The following ZNF385B variants were observed in gnomAD, a reference collection of about 807,000 sequenced individuals.
The protein encoded by ZNF385B is zinc finger protein 385B.
Under a neutral mutation model 39.2 loss-of-function variants are expected in ZNF385B, and 23 were observed. The observed-to-expected ratio is 0.59, with a 90% CI of 0.42 to 0.83. The LOEUF is 0.83. Ranked by LOEUF, ZNF385B falls within the 40% of genes least tolerant of loss-of-function variation. ZNF385B has a pLI of 0.00. For synonymous variants in ZNF385B, 205 were observed against 222.6 expected, an observed-to-expected ratio of 0.92 and a Z score of 0.70; for missense variants, 552 against 598.9, an observed-to-expected ratio of 0.92 and a Z score of 0.82.
intron 3 of ZNF385B, among the ~76,000 whole-genome samples, chr2:179,680,352 C>T (rs28469228): frequency 0.11 from 17,229 of 152,116 alleles, 1,369 homozygotes; most frequent in African/African-American, 0.22. Flanking sequence ...TATGGTTATA[C>T]ATAACATCTC....
intron 3 of ZNF385B, among the ~76,000 whole-genome samples, chr2:179,591,750 G>A (rs1271424101): frequency 2.6e-5 from 4 of 152,088 alleles, no homozygotes; most frequent in Non-Finnish European, 5.9e-5. Context: ...ATGATGGAAT[G>A]TGTGGACTGT....
At chr2:179,726,085 T>A (rs752680067) in intron 3 of ZNF385B, among the ~76,000 whole-genome samples, 2 of 151,966 alleles carry the variant, frequency 1.3e-5, no homozygotes, top group African/African-American at 4.8e-5. Flanking sequence ...TGCATTCTTG[T>A]GGACAACTGT....
At chr2:179,449,464 A>G (rs1046955390) in intron 6 of ZNF385B, among the ~76,000 whole-genome samples, 1 of 152,154 alleles carries the variant, frequency 6.6e-6, no homozygotes, top group Non-Finnish European at 1.5e-5. Flanking sequence ...ATAACAGACA[A>G]ACAGAGAGCC....
intron 1 of ZNF385B, among the ~76,000 whole-genome samples, chr2:179,780,348 C>A (rs868848556): frequency 6.6e-6 from 1 of 152,174 alleles, no homozygotes; most frequent in Non-Finnish European, 1.5e-5. Flanking sequence ...CTCTAAGGCA[C>A]AGGAGTCCCA....
In ZNF385B at chr2:179,443,297, C is replaced by T. The variant is rs1559219998; in HGVS notation, c.1414G>A (p.Gly472Arg). 6.2e-7 allele frequency: 1 copy of T among 1,612,730 alleles called. No individual in the cohort carries two copies. ...IPPALLRPGH[G>R]PIRATPASIL... ...GAGGCAGGAGTGGCGCGGATGGGCC[C>T]ATGCCCAGGCCTCAGAAGAGCTGGA... The change falls in exon 10 of 10, where the codon GGG becomes AGG. Residue 472 changes from glycine to arginine, a missense_variant. Coordinates refer to ENST00000410066, the MANE Select transcript of ZNF385B (RefSeq NM_152520.6).
At chr2:179,838,997 C>T (rs1456510480) in intron 1 of ZNF385B, among the ~76,000 whole-genome samples, 1 of 151,472 alleles carries the variant, frequency 6.6e-6, no homozygotes, top group Non-Finnish European at 1.5e-5. Flanking sequence ...TATATTCTGT[C>T]TTAACTCAGA....
chr2:179,746,516 G>A (rs962803288), intron 3 of ZNF385B, among the ~76,000 whole-genome samples: 4 of 152,054 alleles, frequency 2.6e-5, no homozygotes, highest in Non-Finnish European at 5.9e-5. Context: ...GCGATGCTAT[G>A]CTAGCACCAG....
chr2:179,844,424 T>C (rs1308885125), intron 1 of ZNF385B, among the ~76,000 whole-genome samples: 1 of 152,150 alleles, frequency 6.6e-6, no homozygotes, highest in African/African-American at 2.4e-5. Context: ...TAAGCATCAG[T>C]TTCAAAATGG....
intron 3 of ZNF385B, among the ~76,000 whole-genome samples, chr2:179,722,331 A>G (rs1700745157): frequency 6.6e-6 from 1 of 152,174 alleles, no homozygotes; most frequent in Non-Finnish European, 1.5e-5. Flanking sequence ...TGCTTTGCTC[A>G]GTCAGCTGTG....
chr2:179,449,948 CATAT>C (rs2049920090), intron 6 of ZNF385B, among the ~76,000 whole-genome samples: 1 of 151,762 alleles, frequency 6.6e-6, no homozygotes, highest in Admixed American at 6.6e-5. Context: ...AATAATGCCG[CATAT>C]CTACAACCAT....
intron 1 of ZNF385B, among the ~76,000 whole-genome samples, chr2:179,789,925 A>G (rs1705225998): frequency 6.6e-6 from 1 of 152,172 alleles, no homozygotes. Flanking sequence ...TTATGATTTG[A>G]GGAGCATAAT....
Position 179,545,035 on chromosome 2 carries a change from A to G in ZNF385B, c.299-66T>C, listed in dbSNP as rs554650615. 666 of 1,606,552 alleles carry G rather than the reference A, an allele frequency of 4.1e-4. 5 individuals carry two copies. In the African/African-American group the frequency reaches 8.0e-3, roughly 19 times the overall value. On this transcript the variant is annotated intron_variant, in intron 3 of 9. Transcript: ENST00000410066. ...ACATCCATCTCCCTCCCAAACCTACAGTGCAAGAACAAGTCTGTTGAGCTG... is the reference window on the plus strand; with the variant it reads ...ACATCCATCTCCCTCCCAAACCTACGGTGCAAGAACAAGTCTGTTGAGCTG...
At position 179,622,769 on chromosome 2, in the gene ZNF385B, T is replaced by C. The variant is rs575696007; in HGVS notation, c.299-77800A>G. Among the ~76,000 whole-genome samples the C allele has an allele frequency of 1.7e-4, 26 of 152,278 alleles. 1 individual carries two copies. The South Asian group carries it at 5.2e-3, about 30-fold the overall frequency. ...AATTTCTGTAACTGGCATTGTCAAC[T>C]AAGAGGAGACAGAAAGGAGCTTTGC... On this transcript the variant is annotated intron_variant, in intron 3 of 9. Transcript: ENST00000410066.
intron 3 of ZNF385B, among the ~76,000 whole-genome samples, chr2:179,572,939 T>C (rs76469078): frequency 0.027 from 4,058 of 152,286 alleles, 79 homozygotes; most frequent in African/African-American, 0.051. Flanking sequence ...CTGTCAAAGA[T>C]AATCATTTGT....
chr2:179,742,520 A>T (rs1355999459), intron 3 of ZNF385B, among the ~76,000 whole-genome samples: 2 of 152,098 alleles, frequency 1.3e-5, no homozygotes, highest in Non-Finnish European at 2.9e-5. Context: ...CTAAAATTCA[A>T]ATTTAACTCA....
At chr2:179,747,335 G>A (rs1227084065) in intron 3 of ZNF385B, among the ~76,000 whole-genome samples, 1 of 152,118 alleles carries the variant, frequency 6.6e-6, no homozygotes, top group African/African-American at 2.4e-5. Flanking sequence ...ACACACGATT[G>A]GATATGCACA....
At chr2:179,729,759 T>G (rs139115355) in intron 3 of ZNF385B, among the ~76,000 whole-genome samples, 1 of 152,114 alleles carries the variant, frequency 6.6e-6, no homozygotes, top group East Asian at 1.9e-4. Flanking sequence ...TGGGAGGTGA[T>G]TGGATCATGG....
chr2:179,766,319 G>A (rs1254687141), intron 3 of ZNF385B, among the ~76,000 whole-genome samples: 1 of 152,064 alleles, frequency 6.6e-6, no homozygotes, highest in Non-Finnish European at 1.5e-5. Flanking sequence ...TTCTTGGGAA[G>A]AACATCTACT....
At chr2:179,652,259 G>A (rs142232156) in intron 3 of ZNF385B, among the ~76,000 whole-genome samples, 1 of 152,204 alleles carries the variant, frequency 6.6e-6, no homozygotes, top group African/African-American at 2.4e-5. Context: ...TGGTTCTAAA[G>A]TATAGGCTAT....
Sources: gnomAD v4.1 joint callset for allele counts (sites outside exome capture counted in the v4.1 genomes callset) on GRCh38, gnomAD v4.1.1 for gene constraint, MANE v1.5 for transcripts, NCBI Gene and HGNC (gene_info 2026-07-23, HGNC 2026-07-21) for gene names.